ZNF737: variants seen among roughly 807,000 people sequenced by gnomAD.
The protein encoded by ZNF737 is zinc finger protein 102 (Y3).
A neutral mutation model predicts 11.7 loss-of-function variants in ZNF737; 13 were observed. The ratio of observed to expected loss-of-function variants is 1.11; its 90% CI spans 0.73 to 1.77. ZNF737 has a LOEUF of 1.77. Among genes scored for constraint, ZNF737 ranks in the 40% most tolerant of loss-of-function variants. The pLI, the probability that ZNF737 is intolerant of heterozygous loss-of-function variation, is 0.00. For synonymous variants in ZNF737, 217 were observed against 216.2 expected, an observed-to-expected ratio of 1.00 and a Z score of -0.03; for missense variants, 636 against 638.0, an observed-to-expected ratio of 1.00 and a Z score of 0.03.
At chr19:20,548,087 A>T (rs1247982905) in intron 3 of ZNF737, among the ~76,000 whole-genome samples, 1 of 152,156 alleles carries the variant, frequency 6.6e-6, no homozygotes, top group Non-Finnish European at 1.5e-5. Context: ...GGTTGCAGTG[A>T]GCCGAAATCG....
chr19:20,563,136 A>G (rs1345079021), intron 1 of ZNF737, among the ~76,000 whole-genome samples: 1 of 29,776 alleles, frequency 3.4e-5, no homozygotes, highest in African/African-American at 1.3e-4. Context: ...GCCACAAAAC[A>G]TAACAACTTC....
In ZNF737 at chr19:20,541,326, AT is replaced by A; in HGVS notation, c.*3265del. ...TTTATCTTCAGAGTAATATGTGTAT[AT>A]TTAACTCTATGTAAATTAAAACTAA... On this transcript the variant is annotated 3_prime_UTR_variant, in exon 4 of 4. Transcript: ENST00000427401. The A allele has an allele frequency of 3.1e-6, 3 of 983,474 alleles. No individual in the cohort carries two copies. The highest frequency in any genetic ancestry group is 3.6e-6 in the Non-Finnish European group (3 of 828,206). 60.9% of individuals were successfully genotyped at this position (983,474 alleles called of 1,614,324 possible). A position where few individuals can be genotyped will look rare whatever the true frequency, so the allele number is the denominator to read the frequency against.
chr19:20,562,332 C>A (rs1410586540), intron 1 of ZNF737, among the ~76,000 whole-genome samples: 1 of 137,888 alleles, frequency 7.3e-6, no homozygotes, highest in Admixed American at 8.1e-5. Context: ...CACCAACACA[C>A]CTGGCTAATT....
At position 20,541,981 on chromosome 19, in the gene ZNF737, A is replaced by G. The variant is rs1192710471; in HGVS notation, c.*2611T>C. ...ATATACCCACGAATACAAATAAAAA[A>G]TTTAAATAATAAAGAGTCAAAATTT... On this transcript the variant is annotated 3_prime_UTR_variant, in exon 4 of 4. Coordinates refer to ENST00000427401, the MANE Select transcript of ZNF737 (RefSeq NM_001159293.2). 2 of 971,428 alleles carry G rather than the reference A, an allele frequency of 2.1e-6. No homozygotes were observed. Among genetic ancestry groups the G allele is most frequent in the African/African-American group, 3.5e-5 (2 of 56,938 alleles). The allele number at this position is 971,428 out of a possible 1,614,324, so 60.2% of individuals were successfully genotyped here.
In ZNF737 at chr19:20,544,609, T is replaced by C. The variant is rs782358268; in HGVS notation, c.1594A>G (p.Thr532Ala). The C allele has an allele frequency of 1.2e-4, 188 of 1,603,514 alleles. No individual in the cohort carries two copies. The highest frequency in any genetic ancestry group is 1.5e-4 in the Non-Finnish European group (179 of 1,176,040). ...STLTTHKVIH[T>A]GEKL ...CCTCACATTTATAGTTTCTCTCCAG[T>C]ATGAATTACCTTATGTGTAGTAAGG... Residue 532 changes from threonine to alanine, a missense_variant, in exon 4 of 4, where the codon ACT (threonine) becomes GCT (alanine). Coordinates refer to ENST00000427401, the MANE Select transcript of ZNF737 (RefSeq NM_001159293.2).
rs564875869 is a variant in ZNF737, at chr19:20,544,076, C to T, written c.*516G>A. On this transcript the variant is annotated 3_prime_UTR_variant, in exon 4 of 4. Coordinates refer to ENST00000427401, the MANE Select transcript of ZNF737 (RefSeq NM_001159293.2). ...CCAGGAGGCAGAGGTTGCAGTGAGC[C>T]GAGATCATGGCACTGTACTCCAGCT... 48 of 925,274 alleles carry T rather than the reference C, an allele frequency of 5.2e-5. No homozygotes were observed. The highest frequency in any genetic ancestry group is 2.9e-4 in the Admixed American group (5 of 17,222). 57.3% of individuals were successfully genotyped at this position (925,274 alleles called of 1,614,324 possible).
rs1391582399 is a variant in ZNF737, at chr19:20,541,238, A to G, written c.*3354T>C. 13 of 984,484 alleles carry G rather than the reference A, an allele frequency of 1.3e-5. No individual in the cohort carries two copies. Among genetic ancestry groups the G allele is most frequent in the African/African-American group, 8.7e-5 (5 of 57,206 alleles). 61.0% of individuals were successfully genotyped at this position (984,484 alleles called of 1,614,324 possible). ...TGTTGCAGTAATTGCTTTTATTCTG[A>G]AAATATGTACAAACCTATACTCACA... On this transcript the variant is annotated 3_prime_UTR_variant, in exon 4 of 4. Transcript: ENST00000427401.
At chr19:20,535,832 A>T (rs1967946569), downstream of ZNF737, 1 of 150,988 alleles carries the variant, frequency 6.6e-6, no homozygotes, top group South Asian at 2.1e-4. Flanking sequence ...CAGCCCACAT[A>T]ATCCTATTTC....
Position 20,539,152 on chromosome 19 carries a change from T to A in ZNF737, c.*5440A>T. The A allele has an allele frequency of 1.8e-6, 1 of 551,326 alleles. No homozygotes were observed. Among genetic ancestry groups the A allele is most frequent in the Non-Finnish European group, 2.3e-6 (1 of 434,098 alleles). The allele number at this position is 551,326 out of a possible 1,614,324, so 34.2% of individuals were successfully genotyped here. ...CTCTACTACAAAAATTATCCGGGCA[T>A]AATGGCGGGTGCCTGTTATCCCAGC... On this transcript the variant is annotated 3_prime_UTR_variant, in exon 4 of 4. Transcript: ENST00000427401.
chr19:20,531,258 G>GAGAGGGA (rs1967820680), downstream of ZNF737, among the ~76,000 whole-genome samples: 1 of 135,048 alleles, frequency 7.4e-6, no homozygotes. Flanking sequence ...CGGGAGAGGG[G>GAGAGGGA]AGAGGGGAGG....
At chr19:20,534,437 C>G (rs1275707976), downstream of ZNF737, among the ~76,000 whole-genome samples, 2 of 132,804 alleles carry the variant, frequency 1.5e-5, no homozygotes, top group Non-Finnish European at 3.2e-5. Context: ...GAAACTCTGT[C>G]TCAAAAAAAG....
At chr19:20,552,788 T>C (rs189456675) in intron 2 of ZNF737, among the ~76,000 whole-genome samples, 1 of 151,818 alleles carries the variant, frequency 6.6e-6, no homozygotes, top group Non-Finnish European at 1.5e-5. Context: ...CCAAGGTGGG[T>C]GAATCACGAG....
chr19:20,538,669 A>G lies in ZNF737; in HGVS notation c.*5923T>C. ...AACCATTATGGACCCTGAGTAATTCAGGGGGAATTGGTATCTCTGTAAAGA... is the reference window on the plus strand; with the variant it reads ...AACCATTATGGACCCTGAGTAATTCGGGGGGAATTGGTATCTCTGTAAAGA... On this transcript the variant is annotated 3_prime_UTR_variant, in exon 4 of 4. Coordinates refer to ENST00000427401, the MANE Select transcript of ZNF737 (RefSeq NM_001159293.2). 1 of 985,344 alleles carries G rather than the reference A, an allele frequency of 1.0e-6. No individual in the cohort carries two copies. The highest frequency in any genetic ancestry group is 1.2e-6 in the Non-Finnish European group (1 of 829,850). The allele number at this position is 985,344 out of a possible 1,614,324, so 61.0% of individuals were successfully genotyped here. A position where few individuals can be genotyped will look rare whatever the true frequency, so the allele number is the denominator to read the frequency against.
chr19:20,530,337 G>A, the ZNF737 span, among the ~76,000 whole-genome samples: 7 of 143,694 alleles, frequency 4.9e-5, no homozygotes, highest in African/African-American at 1.0e-4. Flanking sequence ...CCTCCCGGAC[G>A]GGGCAGCTGG....
chr19:20,551,870 C>G (rs1222236466), intron 3 of ZNF737, among the ~76,000 whole-genome samples: 1 of 149,230 alleles, frequency 6.7e-6, no homozygotes, highest in Non-Finnish European at 1.5e-5. Context: ...GCATAAACGT[C>G]CTGTCAAAAT....
chr19:20,544,886 G>C lies in ZNF737; in HGVS notation c.1317C>G (p.Ile439Met), dbSNP rs1568426098. Residue 439 changes from isoleucine to methionine, a missense_variant, in exon 4 of 4, where the codon ATC (isoleucine) becomes ATG (methionine). By Grantham distance (10) the Ile-to-Met change is conservative. Coordinates refer to ENST00000427401, the MANE Select transcript of ZNF737 (RefSeq NM_001159293.2). ...ECGKAFKCFSILTTHKRIHTG... is the reference protein window; with the variant it reads ...ECGKAFKCFSMLTTHKRIHTG... ...TATGAATTCTCTTATGTGTAGTAAG[G>C]ATAGAGAAGCACTTAAAGGCCTTGC... 1 of 1,613,588 alleles carries C rather than the reference G, an allele frequency of 6.2e-7. No individual in the cohort carries two copies. Among genetic ancestry groups the C allele is most frequent in the South Asian group, 1.1e-5 (1 of 91,010 alleles).
chr19:20,556,791 C>T (rs1968904737), intron 1 of ZNF737, among the ~76,000 whole-genome samples: 4 of 152,192 alleles, frequency 2.6e-5, no homozygotes, highest in Admixed American at 2.6e-4. Context: ...TAAAAAACAA[C>T]ATGTACACAT....
chr19:20,564,000 C>G (rs1235968461), intron 1 of ZNF737: 1 of 151,932 alleles, frequency 6.6e-6, no homozygotes, highest in Non-Finnish European at 1.5e-5. Flanking sequence ...CCCCTCTCTA[C>G]TTAAAATACA....
chr19:20,547,261 G>A, intron 3 of ZNF737, among the ~76,000 whole-genome samples: 1 of 151,614 alleles, frequency 6.6e-6, no homozygotes, highest in East Asian at 1.9e-4. Flanking sequence ...GGCGCCTGTA[G>A]TCCCAGCTAC....
Sources: allele counts gnomAD v4.1 joint callset (sites outside exome capture counted in the v4.1 genomes callset), GRCh38; gene constraint gnomAD v4.1.1; transcripts MANE v1.5; gene names NCBI Gene and HGNC (gene_info 2026-07-23, HGNC 2026-07-21).